Variants in PEAK1 observed in about 807,000 individuals in gnomAD.
PEAK1 encodes the protein pseudopodium enriched atypical kinase 1.
PEAK1 carries 54 observed loss-of-function variants against 124.7 expected under a neutral mutation model. That is an observed-to-expected ratio of 0.43 (90% confidence interval 0.35 to 0.54). The LOEUF (loss-of-function observed/expected upper bound fraction) is 0.54. Among genes scored for constraint, PEAK1 ranks in the 20% least tolerant of loss-of-function variants. The pLI is 0.01. For missense variants in PEAK1, 2,046 were observed against 2,134.5 expected (o/e 0.96, Z 0.82); for synonymous variants, 719 against 760.0 (o/e 0.95, Z 0.89).
At chr15:77,395,642 C>A (rs892008633) in intron 1 of PEAK1, among the ~76,000 whole-genome samples, 2 of 151,716 alleles carry the variant, frequency 1.3e-5, no homozygotes, top group African/African-American at 4.8e-5. Flanking sequence ...GGCCACGAGA[C>A]AAGAGGCACA....
chr15:77,250,190 TAC>T (rs1410704633), intron 6 of PEAK1, among the ~76,000 whole-genome samples: 4 of 112,072 alleles, frequency 3.6e-5, no homozygotes, highest in African/African-American at 8.9e-5. Context: ...TGTATATATA[TAC>T]ATATATATAC....
intron 6 of PEAK1, among the ~76,000 whole-genome samples, chr15:77,225,617 G>T (rs151262475): frequency 1.5e-3 from 206 of 141,810 alleles, no homozygotes; most frequent in Non-Finnish European, 2.3e-3. Flanking sequence ...ATCTGAGCAA[G>T]ACTTTCTACA....
At chr15:77,381,881 G>T (rs2069512881) in intron 1 of PEAK1, among the ~76,000 whole-genome samples, 1 of 152,180 alleles carries the variant, frequency 6.6e-6, no homozygotes, top group Non-Finnish European at 1.5e-5. Context: ...ATCTGAACTG[G>T]AAGTGGGACT....
At chr15:77,253,296 C>G (rs1022500553) in intron 5 of PEAK1, among the ~76,000 whole-genome samples, 5 of 149,764 alleles carry the variant, frequency 3.3e-5, no homozygotes, top group African/African-American at 1.2e-4. Context: ...TCAAGGATGA[C>G]TGTAATTCCA....
At chr15:77,193,711 G>C (rs925478921) in intron 6 of PEAK1, among the ~76,000 whole-genome samples, 15 of 152,254 alleles carry the variant, frequency 9.9e-5, no homozygotes, top group African/African-American at 2.9e-4. Flanking sequence ...AGCTGAGGTG[G>C]GAGAATTGCT....
At chr15:77,337,513 G>C in intron 2 of PEAK1, 1 of 985,024 alleles carries the variant, frequency 1.0e-6, no homozygotes, top group South Asian at 4.7e-5. Flanking sequence ...CAAAGATCCT[G>C]AACACAAAAT....
chr15:77,325,085 G>C (rs2065480491), intron 2 of PEAK1, among the ~76,000 whole-genome samples: 2 of 152,118 alleles, frequency 1.3e-5, no homozygotes, highest in Admixed American at 1.3e-4. Flanking sequence ...ATGTGGAAAA[G>C]AAACAAAAAC....
intron 6 of PEAK1, 71 bp downstream of exon 6, chr15:77,252,296 T>G: frequency 2.3e-6 from 2 of 870,652 alleles, no homozygotes; most frequent in Non-Finnish European, 2.8e-6. Flanking sequence ...CATTTAAACT[T>G]AAAAAGAAAT....
chr15:77,337,880 T>C (rs2066296985), intron 2 of PEAK1: 32 of 985,314 alleles, frequency 3.2e-5, no homozygotes, highest in Non-Finnish European at 3.9e-5. Flanking sequence ...TCCCTTGTCA[T>C]ATTAGTCTGT....
At chr15:77,350,084 A>G in intron 2 of PEAK1, 1 of 985,458 alleles carries the variant, frequency 1.0e-6, no homozygotes, top group Non-Finnish European at 1.2e-6. Context: ...TTGTGCAAAC[A>G]TAATAAGAGC....
chr15:77,269,301 G>A (rs2061904310), intron 5 of PEAK1, among the ~76,000 whole-genome samples: 1 of 152,078 alleles, frequency 6.6e-6, no homozygotes, highest in South Asian at 2.1e-4. Flanking sequence ...CTCACATAAA[G>A]CTAAGGTAAC....
rs201979381 is a variant in PEAK1 at position 77,133,011 on chromosome 15, T to G, written c.4071A>C (p.Ala1357=). The change falls in exon 9 of 10, where the codon GCA becomes GCC. Residue 1357 remains alanine, a synonymous_variant. Transcript: ENST00000682557. This position sits in a 1 kb window ranked among gnomAD's most constrained non-coding sequence, Gnocchi z 4.2. ...ATTTATAATATTTTCTTACCTTGAC[T>G]GCATAGTTATTAAGTGGATCTTTTG... ...SYAKDPLNNY[A]VKICKSKAKE... is the part of the protein sequence containing the mutation. The G allele has an allele frequency of 3.1e-4, 493 of 1,604,850 alleles. No homozygotes were observed. Among genetic ancestry groups the G allele is most frequent in the Non-Finnish European group, 4.0e-4 (473 of 1,172,694 alleles).
At position 77,180,295 on chromosome 15, in the gene PEAK1, C is replaced by T. The variant is rs751206223; in HGVS notation, c.1632G>A (p.Lys544=). The change falls in exon 7 of 10, where the codon AAG becomes AAA. Residue 544 remains lysine (K), a synonymous_variant. Coordinates refer to ENST00000682557, the MANE Select transcript of PEAK1 (RefSeq NM_001385026.1). ...TAGTAATTAGTTCTACTTTAGGTAT[C>T]TTTTGTCGTGGACTGGTGCTAGAAG... ...VWTSSTSPRQ[K]IPKVELITSG... 4 of 1,613,986 alleles carry T rather than the reference C, an allele frequency of 2.5e-6. No homozygotes were observed. The highest frequency in any genetic ancestry group is 3.4e-6 in the Non-Finnish European group (4 of 1,180,010).
At chr15:77,200,875 CTTCT>C (rs1268719153) in intron 6 of PEAK1, among the ~76,000 whole-genome samples, 2 of 151,902 alleles carry the variant, frequency 1.3e-5, no homozygotes, top group East Asian at 1.9e-4. Context: ...GGTTAAATTT[CTTCT>C]TTCTTTCTAT....
intron 1 of PEAK1, chr15:77,418,141 T>A: frequency 2.0e-6 from 2 of 983,898 alleles, no homozygotes; most frequent in Non-Finnish European, 2.4e-6. Context: ...AGTTTCTGTA[T>A]ACTATCAACT....
At chr15:77,321,717 G>A (rs1385461558) in intron 2 of PEAK1, among the ~76,000 whole-genome samples, 9 of 152,168 alleles carry the variant, frequency 5.9e-5, no homozygotes, top group Non-Finnish European at 8.8e-5. Context: ...TGTTTTAGAC[G>A]TGAAGTCCTT....
chr15:77,299,559 G>A (rs1387131571), intron 2 of PEAK1, among the ~76,000 whole-genome samples: 1 of 152,056 alleles, frequency 6.6e-6, no homozygotes, highest in Non-Finnish European at 1.5e-5. Flanking sequence ...GTATTTAATC[G>A]TCAAGTGTGT....
In PEAK1 at chr15:77,348,600, G is replaced by A. The variant is rs2067013677; in HGVS notation, c.-603+16563C>T. 3.1e-6 allele frequency: 3 copies of A among 980,212 alleles called. No homozygotes were observed. In the South Asian group the frequency reaches 1.4e-4, roughly 46 times the overall value. The allele number at this position is 980,212 out of a possible 1,614,324, so 60.7% of individuals were successfully genotyped here. A position where few individuals can be genotyped will look rare whatever the true frequency, so the allele number is the denominator to read the frequency against. ...AGTTGAAAAAGCAGGCAGAAAAAGG[G>A]CTAAAATCTTGCTTAATTCCTAAAT... On this transcript the variant is annotated intron_variant, in intron 2 of 9. Coordinates refer to ENST00000682557, the MANE Select transcript of PEAK1 (RefSeq NM_001385026.1).
At chr15:77,203,388 C>T (rs1337379854) in intron 6 of PEAK1, among the ~76,000 whole-genome samples, 1 of 152,022 alleles carries the variant, frequency 6.6e-6, no homozygotes, top group Non-Finnish European at 1.5e-5. Flanking sequence ...TATATTATTG[C>T]TTGAATAGGT....
Sources: allele counts gnomAD v4.1 joint callset (sites outside exome capture counted in the v4.1 genomes callset), GRCh38; gene constraint gnomAD v4.1.1; non-coding constraint Gnocchi (gnomAD v3.1); transcripts MANE v1.5; gene names NCBI Gene and HGNC (gene_info 2026-07-23, HGNC 2026-07-21).